Variants in TLCD1 observed in about 807,000 individuals in gnomAD.
TLCD1 encodes the protein TLC domain-containing protein 1.
In TLCD1, 21 loss-of-function variants were observed where a neutral mutation model predicts 21.2. The ratio of observed to expected loss-of-function variants is 0.99; its 90% CI spans 0.70 to 1.42. The LOEUF (loss-of-function observed/expected upper bound fraction) is 1.42, where lower values mean the gene tolerates loss of function less well. Ranked by LOEUF, TLCD1 falls within the 40% of genes most tolerant of loss-of-function variation. TLCD1 has a pLI of 0.00. For synonymous variants in TLCD1, 168 were observed against 134.8 expected (o/e 1.25, Z -1.71); for missense variants, 344 against 330.3 (o/e 1.04, Z -0.32).
In TLCD1 at chr17:28,724,505, G is replaced by T. The variant is rs1294041887; in HGVS notation, c.*5C>A. On this transcript the variant is annotated 3_prime_UTR_variant, in exon 4 of 4. Coordinates refer to ENST00000292090, the MANE Select transcript of TLCD1 (RefSeq NM_138463.4). ...CCGTTTTTGTTGTCCCAGGCTCTGTGCCCCTCACTCAGTCAAGAACTTGTC... is the reference window on the plus strand; with the variant it reads ...CCGTTTTTGTTGTCCCAGGCTCTGTTCCCCTCACTCAGTCAAGAACTTGTC... The T allele has an allele frequency of 1.2e-6, 2 of 1,611,814 alleles. No individual in the cohort carries two copies. Among genetic ancestry groups the T allele is most frequent in the Non-Finnish European group, 1.7e-6 (2 of 1,178,196 alleles).
At chr17:28,725,813 C>T in intron 1 of TLCD1, 91 bp downstream of exon 1, 3 of 1,490,046 alleles carry the variant, frequency 2.0e-6, no homozygotes, top group Non-Finnish European at 1.8e-6. Flanking sequence ...CTCAGCCCGC[C>T]AGTGAGCGAT....
At chr17:28,726,533 CT>C (rs2034234530), upstream of TLCD1, among the ~76,000 whole-genome samples, 2 of 152,220 alleles carry the variant, frequency 1.3e-5, no homozygotes, top group Non-Finnish European at 2.9e-5. Context: ...CGCGTCCCCA[CT>C]TTTCCCCGGG....
At chr17:28,726,272 GC>G, upstream of TLCD1, 1 of 1,206,732 alleles carries the variant, frequency 8.3e-7, no homozygotes, top group East Asian at 3.3e-5. Context: ...CGAGGCCTCT[GC>G]CCCCGCCCCC....
chr17:28,727,624 C>CTTTCT (rs2034253008), upstream of TLCD1: 1 of 119,182 alleles, frequency 8.4e-6, no homozygotes, highest in Non-Finnish European at 1.8e-5. Context: ...TTCTTTCTTT[C>CTTTCT]TTTTTTTTTT....
rs753474441 is a variant in TLCD1 at position 28,724,663 on chromosome 17, A to G, written c.591T>C (p.Tyr197=). 8.1e-6 allele frequency: 13 copies of G among 1,614,094 alleles called. No individual in the cohort carries two copies. The highest frequency in any genetic ancestry group is 1.3e-5 in the African/African-American group (1 of 74,940). The change falls in exon 4 of 4, where the codon TAT becomes TAC. Residue 197 remains tyrosine (Y), a synonymous_variant. Coordinates refer to ENST00000292090, the MANE Select transcript of TLCD1 (RefSeq NM_138463.4). ...QAYLTHFFLR[Y]VNQRTLGTFL... is the part of the protein sequence containing the mutation. ...AGGTGCCCAGGGTCCTCTGGTTCAC[A>G]TAACGCAAGAAGAAATGGGTGAGGT...
At chr17:28,725,021 T>C in intron 3 of TLCD1, 128 bp from the exon 4 acceptor site, 1 of 1,054,640 alleles carries the variant, frequency 9.5e-7, no homozygotes, top group Non-Finnish European at 1.3e-6. Flanking sequence ...TAGTTTATAG[T>C]GGGTAAGATG....
Position 28,725,964 on chromosome 17 carries a change from C to T in TLCD1, c.134G>A (p.Trp45Ter), listed in dbSNP as rs1445642099. 1.9e-6 allele frequency: 3 copies of T among 1,612,512 alleles called. No individual in the cohort carries two copies. The highest frequency in any genetic ancestry group is 2.5e-6 in the Non-Finnish European group (3 of 1,179,770). Reference protein sequence around the residue: ...VRADPLRTWRWHNLLVSFAHS... With the variant: ...VRADPLRTWR ...AGCGAAGGAGACGAGCAGGTTGTGC[C>T]AGCGCCAGGTGCGCAGGGGGTCGGC... Residue 45 changes from tryptophan to a stop codon, truncating the protein, a stop_gained, in exon 1 of 4, where the codon TGG becomes TAG. Coordinates refer to ENST00000292090, the MANE Select transcript of TLCD1 (RefSeq NM_138463.4). LOFTEE classifies it high-confidence loss of function.
In TLCD1 at chr17:28,724,671, A is replaced by G. The variant is rs2034181418; in HGVS notation, c.583T>C (p.Leu195=). ...APQAYLTHFF[L]RYVNQRTLGT... Reference sequence around the variant, plus strand: ...AGGGTCCTCTGGTTCACATAACGCAAGAAGAAATGGGTGAGGTAGGCCTGA... The same window carrying G: ...AGGGTCCTCTGGTTCACATAACGCAGGAAGAAATGGGTGAGGTAGGCCTGA... The change falls in exon 4 of 4, where the codon TTG becomes CTG. Residue 195 remains leucine (L), a synonymous_variant. Transcript: ENST00000292090. 1 of 1,614,186 alleles carries G rather than the reference A, an allele frequency of 6.2e-7. No homozygotes were observed. The highest frequency in any genetic ancestry group is 8.5e-7 in the Non-Finnish European group (1 of 1,180,012).
In TLCD1 at chr17:28,726,019, A is replaced by T; in HGVS notation, c.79T>A (p.Cys27Ser). The T allele has an allele frequency of 6.3e-7, 1 of 1,598,604 alleles. No homozygotes were observed. Residue 27 changes from cysteine to serine, a missense_variant, in exon 1 of 4, where the codon TGT becomes AGT. Physicochemically the swap from Cys to Ser is moderately radical, Grantham distance 112. Transcript: ENST00000292090. ...ACGTGCACGGGTAGGGGCAGGCGACAGAGCGCGCGCCGGAGCGCCCGGAAG... is the reference window on the plus strand; with the variant it reads ...ACGTGCACGGGTAGGGGCAGGCGACTGAGCGCGCGCCGGAGCGCCCGGAAG... ...LTFRALRRALCRLPLPVHVRA... is the reference protein window; with the variant it reads ...LTFRALRRALSRLPLPVHVRA...
At chr17:28,725,766 A>C in intron 1 of TLCD1, 138 bp downstream of exon 1, 10 of 1,273,486 alleles carry the variant, frequency 7.9e-6, no homozygotes, top group Non-Finnish European at 1.1e-5. Flanking sequence ...TTTTGGTTGG[A>C]TAGGATACCA....
rs748133918 is a variant in TLCD1 at position 28,724,592 on chromosome 17, T to C, written c.662A>G (p.Tyr221Cys). 1 of 1,614,042 alleles carries C rather than the reference T, an allele frequency of 6.2e-7. No homozygotes were observed. The highest frequency in any genetic ancestry group is 1.1e-5 in the South Asian group (1 of 91,066). ...LLMLDVMIII[Y>C]FSRLLRSDFC... ...GTCAGAGCGGAGGAGGCGGGAAAAGTAGATTATGATCATCACGTCCAGCAT... is the reference window on the plus strand; with the variant it reads ...GTCAGAGCGGAGGAGGCGGGAAAAGCAGATTATGATCATCACGTCCAGCAT... Residue 221 changes from tyrosine (Y) to cysteine (C), a missense_variant, in exon 4 of 4, where the codon TAC becomes TGC. Coordinates refer to ENST00000292090, the MANE Select transcript of TLCD1 (RefSeq NM_138463.4).
intron 3 of TLCD1, 83 bp downstream of exon 3, chr17:28,725,221 G>A: frequency 6.7e-7 from 1 of 1,492,730 alleles, no homozygotes; most frequent in African/African-American, 1.4e-5. Flanking sequence ...AGAAAACACG[G>A]CCTTCTCCCA....
chr17:28,725,357 C>G lies in TLCD1; in HGVS notation c.307G>C (p.Val103Leu). ...GAGGCTCGCGTCTGTCCGCTAGCCACGATGTCCACCGTATCGTGGATGAAA... is the reference window on the plus strand; with the variant it reads ...GAGGCTCGCGTCTGTCCGCTAGCCAGGATGTCCACCGTATCGTGGATGAAA... ...GYFIHDTVDI[V>L]ASGQTRASWE... The change falls in exon 3 of 4, where the codon GTG (valine) becomes CTG (leucine). Residue 103 changes from valine (V) to leucine (L), a missense_variant. Transcript: ENST00000292090. 5 of 1,614,178 alleles carry G rather than the reference C, an allele frequency of 3.1e-6. No homozygotes were observed. The highest frequency in any genetic ancestry group is 1.6e-4 in the Middle Eastern group (1 of 6,062).
At position 28,725,954 on chromosome 17, in the gene TLCD1, C is replaced by A; in HGVS notation, c.144G>T (p.Leu48=). ...DPLRTWRWHN[L]LVSFAHSIVS... ...CAATGGAGTGAGCGAAGGAGACGAG[C>A]AGGTTGTGCCAGCGCCAGGTGCGCA... The change falls in exon 1 of 4, where the codon CTG becomes CTT. Residue 48 remains leucine (L), a synonymous_variant. Coordinates refer to ENST00000292090, the MANE Select transcript of TLCD1 (RefSeq NM_138463.4). 2 of 1,612,766 alleles carry A rather than the reference C, an allele frequency of 1.2e-6. No individual in the cohort carries two copies. Among genetic ancestry groups the A allele is most frequent in the Non-Finnish European group, 1.7e-6 (2 of 1,179,800 alleles).
intron 2 of TLCD1, 27 bp from the exon 3 acceptor site, chr17:28,725,413 ATGAAC>A: frequency 6.2e-7 from 1 of 1,614,124 alleles, no homozygotes; most frequent in Non-Finnish European, 8.5e-7. Context: ...GCAAGAGATC[ATGAAC>A]TGAACAAGCA....
intron 3 of TLCD1, 53 bp from the exon 4 acceptor site, chr17:28,724,946 G>T: frequency 6.4e-7 from 1 of 1,561,540 alleles, no homozygotes; most frequent in South Asian, 1.2e-5. Flanking sequence ...ACGCTTTCCT[G>T]GAAGTTTGGG....
In TLCD1 at chr17:28,725,811, G is replaced by T. The variant is rs903319790; in HGVS notation, c.194+93C>A. ...AGGTGAGACTGCGTGGCCTCAGCCC[G>T]CCAGTGAGCGATGGGGGTAGTAACA... is the stretch of plus-strand genomic sequence containing the variant. On this transcript the variant is annotated intron_variant, in intron 1 of 3. Coordinates refer to ENST00000292090, the MANE Select transcript of TLCD1 (RefSeq NM_138463.4). 4 of 1,480,554 alleles carry T rather than the reference G, an allele frequency of 2.7e-6. No homozygotes were observed. In the African/African-American group the frequency reaches 5.6e-5, roughly 21 times the overall value. 91.7% of individuals were successfully genotyped at this position (1,480,554 alleles called of 1,614,324 possible).
chr17:28,725,608 G>C, intron 1 of TLCD1, 45 bp from the exon 2 acceptor site: 1 of 1,593,866 alleles, frequency 6.3e-7, no homozygotes, highest in South Asian at 1.1e-5. Flanking sequence ...GCACCCTCAA[G>C]GACCATCAAC....
chr17:28,725,714 A>G, intron 1 of TLCD1, 151 bp from the exon 2 acceptor site: 1 of 1,142,094 alleles, frequency 8.8e-7, no homozygotes, highest in Non-Finnish European at 1.2e-6. Context: ...AAGAGCCTCC[A>G]GTTTCCCAGG....
Sources: allele counts gnomAD v4.1 joint callset (sites outside exome capture counted in the v4.1 genomes callset), GRCh38; gene constraint gnomAD v4.1.1; transcripts MANE v1.5; gene names NCBI Gene and HGNC (gene_info 2026-07-23, HGNC 2026-07-21).